Variants in TTN observed in about 807,000 individuals in gnomAD.
TTN encodes the protein titin, also known as connectin.
A neutral mutation model predicts 3,223.0 loss-of-function variants in TTN; 1,525 were observed. That is an observed-to-expected ratio of 0.47 (90% CI 0.45 to 0.49). The LOEUF (loss-of-function observed/expected upper bound fraction) is 0.49. TTN is among the 20% of genes least tolerant of loss of function. TTN has a pLI of 0.00. For missense variants in TTN, 40,786 were observed against 43,424.0 expected (o/e 0.94, Z 5.40); for synonymous variants, 14,094 against 15,161.0 (o/e 0.93, Z 5.17).
Position 178,567,377 on chromosome 2 carries a change from A to G in TTN, c.78755T>C (p.Ile26252Thr). Residue 26252 changes from isoleucine to threonine, a missense_variant, in exon 326 of 363, where the codon ATT (isoleucine) becomes ACT (threonine). Physicochemically the swap from Ile to Thr is moderately conservative, Grantham distance 89. Coordinates refer to ENST00000589042, the MANE Select transcript of TTN (RefSeq NM_001267550.2). ...IKNTDFKALL[I>T]VKDAIRIDGG... The stretch of plus-strand genomic sequence containing the variant: ...ATCAATTCTAATTGCATCTTTTACA[A>G]TAAGTAAAGCCTTGAAATCTGTGTT... 7 of 1,595,076 alleles carry G rather than the reference A, an allele frequency of 4.4e-6. No homozygotes were observed. Among genetic ancestry groups the G allele is most frequent in the Non-Finnish European group, 6.0e-6 (7 of 1,172,716 alleles).
At chr2:178,681,553 A>T (rs547206637) in intron 136 of TTN, 103 bp from the exon 137 acceptor site, 1 of 1,457,352 alleles carries the variant, frequency 6.9e-7, no homozygotes, top group South Asian at 1.2e-5. Flanking sequence ...AATATTCCCA[A>T]ACACACACAT....
chr2:178,683,539 T>C (rs934044987), intron 133 of TTN, among the ~76,000 whole-genome samples: 13 of 152,184 alleles, frequency 8.5e-5, no homozygotes, highest in African/African-American at 2.4e-4. Context: ...AAAAGACAAC[T>C]AAACAGCATA....
chr2:178,572,939 C>T lies in TTN; in HGVS notation c.73193G>A (p.Arg24398His), dbSNP rs757790881. 10 of 1,613,088 alleles carry T rather than the reference C, an allele frequency of 6.2e-6. No individual in the cohort carries two copies. In the East Asian group the frequency reaches 6.7e-5, roughly 11 times the overall value. ...TCCTTCGGAATTCATGGCATAGATG[C>T]GGATCTTATATTCCTGATTCTCTGT... ...GLTENQEYKIRIYAMNSEGLG... is the reference protein window; with the variant it reads ...GLTENQEYKIHIYAMNSEGLG... The change falls in exon 326 of 363, where the codon CGC becomes CAC. Residue 24398 changes from arginine to histidine, a missense_variant. Arg to His is a conservative substitution (Grantham distance 29). Coordinates refer to ENST00000589042, the MANE Select transcript of TTN (RefSeq NM_001267550.2).
chr2:178,775,342 G>T lies in TTN; in HGVS notation c.6508+14C>A, dbSNP rs771328770. ...ACAAAGACAGGTCCATCAAAGGAAA[G>T]ACATGCAAATTACCTTGGACAAGTA... On this transcript the variant is annotated intron_variant, in intron 28 of 362. Transcript: ENST00000589042. The T allele has an allele frequency of 4.3e-6, 7 of 1,613,586 alleles. 1 individual carries two copies. The South Asian group carries it at 7.7e-5, about 18-fold the overall frequency.
Position 178,731,033 on chromosome 2 carries a change from A to G in TTN, c.17632T>C (p.Ser5878Pro). 6.2e-7 allele frequency: 1 copy of G among 1,613,616 alleles called. No individual in the cohort carries two copies. Among genetic ancestry groups the G allele is most frequent in the Non-Finnish European group, 8.5e-7 (1 of 1,179,696 alleles). ...KYKISVTDTVSILKIISTEKK... is the reference protein window; with the variant it reads ...KYKISVTDTVPILKIISTEKK... ...TCTGTAGAAATAATCTTCAGTATTG[A>G]GACTGTATCAGTGACACTGATTTTA... The change falls in exon 60 of 363, where the codon TCA becomes CCA. Residue 5878 changes from serine to proline, a missense_variant. Coordinates refer to ENST00000589042, the MANE Select transcript of TTN (RefSeq NM_001267550.2).
chr2:178,679,533 G>A, intron 141 of TTN, 66 bp downstream of exon 141: 1 of 1,587,166 alleles, frequency 6.3e-7, no homozygotes. Flanking sequence ...TTTGAACTCA[G>A]AAGAAAGTTA....
rs879009898 is a variant in TTN at position 178,615,692 on chromosome 2, G to A, written c.48409C>T (p.Pro16137Ser). 19 of 1,612,274 alleles carry A rather than the reference G, an allele frequency of 1.2e-5. No homozygotes were observed. Among genetic ancestry groups the A allele is most frequent in the Non-Finnish European group, 1.6e-5 (19 of 1,178,964 alleles). ...FKVCARNKCG[P>S]GEPAYVDEPV... is the part of the protein sequence containing the mutation. The stretch of plus-strand genomic sequence containing the variant: ...TCATCAACATATGCAGGTTCTCCAG[G>A]GCCACATTTGTTACGAGCACAAACT... The change falls in exon 258 of 363, where the codon CCT becomes TCT. Residue 16137 changes from proline (P) to serine (S), a missense_variant. Physicochemically the swap from Pro to Ser is moderately conservative, Grantham distance 74. Transcript: ENST00000589042.
At chr2:178,802,018 C>T in intron 3 of TTN, 120 bp downstream of exon 3, 1 of 1,238,812 alleles carries the variant, frequency 8.1e-7, no homozygotes, top group Middle Eastern at 2.7e-4. Flanking sequence ...CTCCAGTAGA[C>T]CCTTCTGTAG....
chr2:178,699,605 G>A (rs2074507374), intron 111 of TTN, among the ~76,000 whole-genome samples: 2 of 145,576 alleles, frequency 1.4e-5, no homozygotes, highest in Non-Finnish European at 3.0e-5. Context: ...TAGAGACGGG[G>A]TTTCACCGTG....
rs772862798 is a variant in TTN, at chr2:178,537,374, G to C, written c.99833C>G (p.Thr33278Arg). 1.3e-6 allele frequency: 2 copies of C among 1,593,494 alleles called. No homozygotes were observed. The highest frequency in any genetic ancestry group is 3.4e-5 in the Admixed American group (2 of 58,202). ...TTCCACATCAAGGATGGCATCAACT[G>C]TTCCAAAAACATTGCTGAGCTGGAC... The part of the protein sequence containing the change: ...YKVQLSNVFG[T>R]VDAILDVEIQ... The change falls in exon 355 of 363, where the codon ACA becomes AGA. Residue 33278 changes from threonine to arginine, a missense_variant. Coordinates refer to ENST00000589042, the MANE Select transcript of TTN (RefSeq NM_001267550.2).
chr2:178,731,331 C>G lies in TTN; in HGVS notation c.17435G>C (p.Arg5812Thr), dbSNP rs1461562735. 4 of 1,613,788 alleles carry G rather than the reference C, an allele frequency of 2.5e-6. No individual in the cohort carries two copies. In the South Asian group the frequency reaches 4.4e-5, roughly 18 times the overall value. The change falls in exon 59 of 363, where the codon AGA (arginine) becomes ACA (threonine). Residue 5812 changes from arginine (R) to threonine (T), a missense_variant. Arg to Thr is a moderately conservative substitution (Grantham distance 71, BLOSUM62 -1). Transcript: ENST00000589042. ...CQAKNDAGIQ[R>T]CSALLSVKEP... ...TTTTACTGAGAGTAATGCAGAACATCTTTGTATTCCTGCATCATTTTTGGC... is the reference window on the plus strand; with the variant it reads ...TTTTACTGAGAGTAATGCAGAACATGTTTGTATTCCTGCATCATTTTTGGC...
In TTN at chr2:178,535,627, TC is replaced by T; in HGVS notation, c.100987del (p.Asp33663MetfsTer46). On this transcript the variant is annotated frameshift_variant, in exon 358 of 363. Transcript: ENST00000589042. LOFTEE classifies it high-confidence loss of function. ...AGCACAGACCACATAGAAACCAGCATCTTTTCTCTCTACCCCATTGGGGAAA... is the reference window on the plus strand; with the variant it reads ...AGCACAGACCACATAGAAACCAGCATTTTTCTCTCTACCCCATTGGGGAAA... Reference protein sequence around the residue: ...LVFPNGVERKDAGFYVVCAKN... With the variant: ...LVFPNGVERKXAGFYVVCAKN... 1 of 1,613,850 alleles carries T rather than the reference TC, an allele frequency of 6.2e-7. No individual in the cohort carries two copies.
chr2:178,607,367 A>G, intron 277 of TTN, 34 bp downstream of exon 277: 1 of 1,612,710 alleles, frequency 6.2e-7, no homozygotes, highest in Non-Finnish European at 8.5e-7. Flanking sequence ...ATCACTTGGG[A>G]AAATCCTGTG....
At chr2:178,741,961 T>G in intron 47 of TTN, 40 bp from the exon 48 acceptor site, 2 of 1,296,332 alleles carry the variant, frequency 1.5e-6, no homozygotes, top group Non-Finnish European at 2.0e-6. Context: ...CTATAAAATT[T>G]TATTTAATAT....
intron 259 of TTN, 94 bp downstream of exon 259, chr2:178,615,213 A>G (rs546137165): frequency 6.9e-7 from 1 of 1,447,918 alleles, no homozygotes; most frequent in Non-Finnish European, 9.5e-7. Context: ...TAGGATTCTC[A>G]ATGAAAAAAG....
chr2:178,663,991 A>G lies in TTN; in HGVS notation c.36364+24T>C, dbSNP rs373128260. 171 of 1,612,210 alleles carry G rather than the reference A, an allele frequency of 1.1e-4. No homozygotes were observed. In the African/African-American group the frequency reaches 1.9e-3, roughly 18 times the overall value. The stretch of plus-strand genomic sequence containing the variant: ...AAGAGCAGAAGAATTAGGTCTTCTG[A>G]AGCCTAAAGTCAGTGACAAATACCT... On this transcript the variant is annotated intron_variant, in intron 169 of 362. Coordinates refer to ENST00000589042, the MANE Select transcript of TTN (RefSeq NM_001267550.2).
At chr2:178,646,104 T>TTATATATA (rs71023450) in intron 216 of TTN, 74 bp from the exon 217 acceptor site, 1,266 of 37,796 alleles carry the variant, frequency 0.033, 219 homozygotes, top group Non-Finnish European at 0.046. Flanking sequence ...TTAATAGAAA[T>TTATATATA]TATATATATA....
rs371534086 is a variant in TTN at position 178,545,487 on chromosome 2, C to T, written c.95623G>A (p.Glu31875Lys). The change falls in exon 344 of 363, where the codon GAG becomes AAG. Residue 31875 changes from glutamate to lysine, a missense_variant. Transcript: ENST00000589042. ...ACCCGGAACTGGTAATCACAACCCT[C>T]CATCAGGCTGGTCACCTTCAGCCTG... is the stretch of plus-strand genomic sequence containing the variant. ...DTRLKVTSLM[E>K]GCDYQFRVTA... 1.9e-6 allele frequency: 3 copies of T among 1,613,470 alleles called. No individual in the cohort carries two copies. The highest frequency in any genetic ancestry group is 2.7e-5 in the African/African-American group (2 of 74,904).
intron 347 of TTN, 60 bp from the exon 348 acceptor site, chr2:178,543,009 A>T (rs1695348571): frequency 6.5e-7 from 1 of 1,535,776 alleles, no homozygotes; most frequent in African/African-American, 1.4e-5. Context: ...AATTGTTACG[A>T]ATTCTGAATG....
Sources: allele counts gnomAD v4.1 joint callset (sites outside exome capture counted in the v4.1 genomes callset), GRCh38; gene constraint gnomAD v4.1.1; transcripts MANE v1.5; gene names NCBI Gene and HGNC (gene_info 2026-07-23, HGNC 2026-07-21).